Variants in DCAF10 observed in about 807,000 individuals in gnomAD.
DCAF10 encodes the protein DDB1- and CUL4-associated factor 10.
Under a neutral mutation model 51.9 loss-of-function variants are expected in DCAF10, and 19 were observed. The observed-to-expected ratio is 0.37, with a 90% confidence interval of 0.26 to 0.54. The LOEUF is 0.54. Among genes scored for constraint, DCAF10 ranks in the 20% least tolerant of loss-of-function variants. DCAF10 has a pLI of 0.87. For missense variants in DCAF10, 510 were observed against 730.6 expected, an observed-to-expected ratio of 0.70 and a Z score of 3.48; for synonymous variants, 291 against 297.1, an observed-to-expected ratio of 0.98 and a Z score of 0.21.
intron 3 of DCAF10, among the ~76,000 whole-genome samples, chr9:37,850,824 TTTTATATATATA>T (rs1447540587): frequency 4.4e-4 from 24 of 54,530 alleles, no homozygotes; most frequent in Middle Eastern, 8.1e-3. Context: ...TGAGGATATA[TTTTATATATATA>T]TATATATATA....
At chr9:37,822,968 A>G (rs1589088170) in intron 2 of DCAF10, among the ~76,000 whole-genome samples, 1 of 152,270 alleles carries the variant, frequency 6.6e-6, no homozygotes, top group Middle Eastern at 3.4e-3. Context: ...CTCTATCCTT[A>G]TAAAAAGAAA....
intron 1 of DCAF10, among the ~76,000 whole-genome samples, chr9:37,810,133 C>T (rs1325263652): frequency 6.8e-6 from 1 of 147,744 alleles, no homozygotes; most frequent in African/African-American, 2.5e-5. Context: ...GCCTGGGCAA[C>T]GAGAGCGAAA....
At chr9:37,813,017 ATGT>A (rs1829400201) in intron 1 of DCAF10, among the ~76,000 whole-genome samples, 2 of 152,232 alleles carry the variant, frequency 1.3e-5, no homozygotes, top group Non-Finnish European at 1.5e-5. Context: ...TTGATGCATG[ATGT>A]TAGCTCTTTA....
At position 37,842,266 on chromosome 9, in the gene DCAF10, C is replaced by T. The variant is rs781355442; in HGVS notation, c.831C>T (p.Val277=). ...LLVTSGFDGN[V]IIWDTNRYTE... ...TAACATCAGGATTTGATGGAAATGT[C>T]ATTATTTGGGACACTAACAGGTTTG... The change falls in exon 3 of 7, where the codon GTC becomes GTT. Residue 277 remains valine, a synonymous_variant. Transcript: ENST00000377724. 6.2e-7 allele frequency: 1 copy of T among 1,613,196 alleles called. No homozygotes were observed. Among genetic ancestry groups the T allele is most frequent in the African/African-American group, 1.3e-5 (1 of 74,982 alleles).
Position 37,842,196 on chromosome 9 carries a change from G to A in DCAF10, c.761G>A (p.Ser254Asn). The change falls in exon 3 of 7, where the codon AGC becomes AAC. Residue 254 changes from serine (S) to asparagine (N), a missense_variant. Coordinates refer to ENST00000377724, the MANE Select transcript of DCAF10 (RefSeq NM_024345.5). The part of the protein sequence containing the change: ...TKVCTLHGHT[S>N]WVKNIEYDTN... Reference sequence around the variant, plus strand: ...GTATGCACTTTACATGGTCACACTAGCTGGGTGAAGAACATCGAATATGAT... The same window carrying A: ...GTATGCACTTTACATGGTCACACTAACTGGGTGAAGAACATCGAATATGAT... The A allele has an allele frequency of 1.2e-6, 2 of 1,613,916 alleles. No homozygotes were observed. The highest frequency in any genetic ancestry group is 1.1e-5 in the South Asian group (1 of 91,082).
chr9:37,836,861 C>A (rs1243655477), intron 2 of DCAF10, among the ~76,000 whole-genome samples: 2 of 152,016 alleles, frequency 1.3e-5, no homozygotes, highest in Admixed American at 1.3e-4. Context: ...TGCAGGCTGG[C>A]ATATGCTAAT....
At chr9:37,820,506 G>A (rs1160704698) in intron 2 of DCAF10, among the ~76,000 whole-genome samples, 1 of 152,164 alleles carries the variant, frequency 6.6e-6, no homozygotes, top group Non-Finnish European at 1.5e-5. Flanking sequence ...AAAGAGAAAA[G>A]AGCTATTCAC....
rs1327130792 is a variant in DCAF10 at position 37,842,102 on chromosome 9, C to T, written c.667C>T (p.Arg223Trp). The change falls in exon 3 of 7, where the codon CGG becomes TGG. Residue 223 changes from arginine (R) to tryptophan (W), a missense_variant. Around this residue, in one of 4 missense-constraint regions of DCAF10, gnomAD observed 126 missense variants for 271.5 expected, o/e 0.46. Transcript: ENST00000377724. ...CVNNIRFLDNRLFATCSDDTT... is the reference protein window; with the variant it reads ...CVNNIRFLDNWLFATCSDDTT... Reference sequence around the variant, plus strand: ...CTGCTTTTATAGATTTCTTGATAACCGGCTGTTTGCTACCTGCTCTGATGA... The same window carrying T: ...CTGCTTTTATAGATTTCTTGATAACTGGCTGTTTGCTACCTGCTCTGATGA... 3 of 1,605,382 alleles carry T rather than the reference C, an allele frequency of 1.9e-6. No individual in the cohort carries two copies. The highest frequency in any genetic ancestry group is 2.5e-6 in the Non-Finnish European group (3 of 1,177,762).
chr9:37,849,647 T>C (rs62540302), intron 3 of DCAF10, among the ~76,000 whole-genome samples: 67 of 151,250 alleles, frequency 4.4e-4, no homozygotes, highest in Non-Finnish European at 8.3e-4. Flanking sequence ...CTTTGGGAGG[T>C]TGAGGTGGGC....
intron 5 of DCAF10, among the ~76,000 whole-genome samples, chr9:37,858,699 A>C (rs534455421): frequency 2.4e-4 from 36 of 152,216 alleles, no homozygotes; most frequent in Non-Finnish European, 4.1e-4. Flanking sequence ...GAAATCCTGG[A>C]TCTTCAGATG....
chr9:37,849,959 C>T (rs757121682), intron 3 of DCAF10, among the ~76,000 whole-genome samples: 3 of 152,028 alleles, frequency 2.0e-5, no homozygotes, highest in African/African-American at 7.2e-5. Flanking sequence ...CTCAAGAGGG[C>T]GAGACAGGAG....
intron 4 of DCAF10, among the ~76,000 whole-genome samples, chr9:37,856,161 A>G (rs1024353612): frequency 2.0e-5 from 3 of 152,186 alleles, no homozygotes; most frequent in Non-Finnish European, 4.4e-5. Context: ...TCCAAAAAAA[A>G]GGAAATGAAA....
chr9:37,861,813 A>C lies in DCAF10; in HGVS notation c.*305A>C. 1 of 245,328 alleles carries C rather than the reference A, an allele frequency of 4.1e-6. No homozygotes were observed. The highest frequency in any genetic ancestry group is 2.2e-5 in the African/African-American group (1 of 45,034). The allele number at this position is 245,328 out of a possible 1,614,324, so 15.2% of individuals were successfully genotyped here. On this transcript the variant is annotated 3_prime_UTR_variant, in exon 7 of 7. Coordinates refer to ENST00000377724, the MANE Select transcript of DCAF10 (RefSeq NM_024345.5). This position sits in a 1 kb window ranked among gnomAD's most constrained non-coding sequence, Gnocchi z 4.9. ...CTCTTGTCACGTTCCTTCCTTCCTC[A>C]CTCTCTATTTCTCTTTCCCTCTCCC...
chr9:37,816,849 C>A (rs937109057), intron 1 of DCAF10, among the ~76,000 whole-genome samples: 2 of 152,106 alleles, frequency 1.3e-5, no homozygotes, highest in African/African-American at 4.8e-5. Context: ...CCTAAGTAAT[C>A]TGTAAAGTCA....
In DCAF10 at chr9:37,800,815, A is replaced by C. The variant is rs1375514936; in HGVS notation, c.-52A>C. On this transcript the variant is annotated 5_prime_UTR_variant, in exon 1 of 7. Transcript: ENST00000377724. ...AAGTGGCAGCTGAACAGGGGCACTGAGGTGTCGGCCGGCGGGGCAGTGGCC... is the reference window on the plus strand; with the variant it reads ...AAGTGGCAGCTGAACAGGGGCACTGCGGTGTCGGCCGGCGGGGCAGTGGCC... 1 of 1,495,526 alleles carries C rather than the reference A, an allele frequency of 6.7e-7. No individual in the cohort carries two copies. The highest frequency in any genetic ancestry group is 2.5e-5 in the East Asian group (1 of 40,474). 92.6% of individuals were successfully genotyped at this position (1,495,526 alleles called of 1,614,324 possible). A position where few individuals can be genotyped will look rare whatever the true frequency, so the allele number is the denominator to read the frequency against.
chr9:37,802,846 A>C (rs941185325), intron 1 of DCAF10, among the ~76,000 whole-genome samples: 1 of 152,202 alleles, frequency 6.6e-6, no homozygotes, highest in Admixed American at 6.5e-5. Flanking sequence ...GCCAAGCCCT[A>C]TTCCTAAAGT....
At chr9:37,809,743 G>T (rs1829272734) in intron 1 of DCAF10, among the ~76,000 whole-genome samples, 1 of 152,218 alleles carries the variant, frequency 6.6e-6, no homozygotes, top group African/African-American at 2.4e-5. Context: ...TGAGGCAGGA[G>T]AATCGCTTGA....
At chr9:37,830,437 A>G (rs1829973770) in intron 2 of DCAF10, among the ~76,000 whole-genome samples, 1 of 152,232 alleles carries the variant, frequency 6.6e-6, no homozygotes, top group Non-Finnish European at 1.5e-5. Flanking sequence ...ACGCAAAACA[A>G]TACTATAAAG....
intron 2 of DCAF10, among the ~76,000 whole-genome samples, chr9:37,827,589 G>A (rs1353749049): frequency 6.6e-6 from 1 of 152,000 alleles, no homozygotes; most frequent in African/African-American, 2.4e-5. Flanking sequence ...GGAATCCATG[G>A]GCCAAAAATG....
Sources: gnomAD v4.1 joint callset for allele counts (sites outside exome capture counted in the v4.1 genomes callset) on GRCh38, gnomAD v4.1.1 for gene constraint, gnomAD v4.1.1 regional missense constraint, Gnocchi (gnomAD v3.1) non-coding constraint, MANE v1.5 for transcripts, NCBI Gene and HGNC (gene_info 2026-07-23, HGNC 2026-07-21) for gene names.